The following EIF3H variants were observed in gnomAD, a reference collection of about 807,000 sequenced individuals.
The protein encoded by EIF3H is eukaryotic translation initiation factor 3 subunit H, also known as eIF-3-gamma.
EIF3H carries 26 observed loss-of-function variants against 44.2 expected under a neutral mutation model. That is an observed-to-expected ratio of 0.59 (90% CI 0.43 to 0.82). The LOEUF (loss-of-function observed/expected upper bound fraction) is 0.82, where lower values mean the gene tolerates loss of function less well. Ranked by LOEUF, EIF3H falls within the 40% of genes least tolerant of loss-of-function variation. The probability of loss-of-function intolerance (pLI) is 0.00; values close to 1 mark genes in which losing one functional copy is unlikely to be tolerated. For missense variants in EIF3H, 359 were observed against 432.8 expected, an observed-to-expected ratio of 0.83 and a Z score of 1.51; for synonymous variants, 166 against 151.9, an observed-to-expected ratio of 1.09 and a Z score of -0.68.
At chr8:116,670,347 A>G (rs1343725987) in intron 2 of EIF3H, among the ~76,000 whole-genome samples, 1 of 152,192 alleles carries the variant, frequency 6.6e-6, no homozygotes, top group Non-Finnish European at 1.5e-5. Flanking sequence ...GGGCAGCTAC[A>G]AAGTAGCACA....
intron 3 of EIF3H, 121 bp from the exon 4 acceptor site, chr8:116,657,435 A>C (rs1813509464): frequency 1.4e-6 from 1 of 715,042 alleles, no homozygotes; most frequent in Non-Finnish European, 2.4e-6. Context: ...AGATCAAAAT[A>C]AACAACCAGA....
intron 5 of EIF3H, among the ~76,000 whole-genome samples, chr8:116,650,376 T>G (rs1205309738): frequency 6.6e-6 from 1 of 152,158 alleles, no homozygotes; most frequent in East Asian, 1.9e-4. Context: ...TCCACTCTTA[T>G]GAATATACCC....
intron 2 of EIF3H, among the ~76,000 whole-genome samples, chr8:116,692,482 T>C (rs2130863938): frequency 6.6e-6 from 1 of 152,340 alleles, no homozygotes; most frequent in South Asian, 2.1e-4. Context: ...CCTAGCTTAT[T>C]AACTCTGAAT....
chr8:116,728,307 T>C (rs1372557356), intron 1 of EIF3H, among the ~76,000 whole-genome samples: 1 of 152,008 alleles, frequency 6.6e-6, no homozygotes, highest in Non-Finnish European at 1.5e-5. Flanking sequence ...ATTTTATAGA[T>C]AAGAAAACTG....
chr8:116,688,471 A>C (rs1814116917), intron 2 of EIF3H, among the ~76,000 whole-genome samples: 2 of 152,324 alleles, frequency 1.3e-5, no homozygotes, highest in African/African-American at 4.8e-5. Flanking sequence ...ATGAACCCAC[A>C]AACAATGCTG....
chr8:116,678,718 G>A (rs1435613479), intron 2 of EIF3H, among the ~76,000 whole-genome samples: 3 of 147,482 alleles, frequency 2.0e-5, no homozygotes, highest in African/African-American at 4.9e-5. Context: ...GTCTCTGCTC[G>A]GCCGCCCCGT....
intron 2 of EIF3H, among the ~76,000 whole-genome samples, chr8:116,672,895 T>C (rs1210479522): frequency 6.6e-6 from 1 of 151,918 alleles, no homozygotes; most frequent in Non-Finnish European, 1.5e-5. Flanking sequence ...TCTCAAACAT[T>C]TACCATTTGC....
intron 2 of EIF3H, chr8:116,697,044 C>T (rs768297312): frequency 3.1e-5 from 14 of 455,858 alleles, no homozygotes; most frequent in South Asian, 2.0e-4. Flanking sequence ...GTGGACAGCC[C>T]TGGCTCACCT....
At chr8:116,756,681 G>A (rs1055539540), upstream of EIF3H, among the ~76,000 whole-genome samples, 1 of 152,022 alleles carries the variant, frequency 6.6e-6, no homozygotes, top group Admixed American at 6.5e-5. Context: ...TTGTTGTTTT[G>A]TCATTGGGAT....
In EIF3H at chr8:116,706,519, C is replaced by CTTTA. The variant is rs887973283; in HGVS notation, c.289+19493_289+19496dup. On this transcript the variant is annotated intron_variant, in intron 2 of 7. Transcript: ENST00000521861. ...AATAAATTATGTGAGATATTTAACACTTTATTTATTTATTTATTTATTTTA... is the reference window on the plus strand; with the variant it reads ...AATAAATTATGTGAGATATTTAACACTTTATTTATTTATTTATTTATTTATTTTA... Among the ~76,000 whole-genome samples the CTTTA allele has an allele frequency of 5.4e-4, 82 of 152,092 alleles. 1 individual carries two copies. Among genetic ancestry groups the CTTTA allele is most frequent in the East Asian group, 4.8e-3 (25 of 5,178 alleles).
chr8:116,698,547 G>C (rs978048491), intron 2 of EIF3H, among the ~76,000 whole-genome samples: 1 of 152,146 alleles, frequency 6.6e-6, no homozygotes, highest in Admixed American at 6.5e-5. Context: ...TAGTATAAAA[G>C]CCAAACTCCT....
chr8:116,657,891 G>A (rs1450411693), intron 3 of EIF3H: 3 of 152,876 alleles, frequency 2.0e-5, no homozygotes, highest in Non-Finnish European at 2.9e-5. Flanking sequence ...AACACTCCAT[G>A]AGTAAGGGAG....
At chr8:116,747,349 A>G (rs1445292998) in intron 1 of EIF3H, among the ~76,000 whole-genome samples, 1 of 152,200 alleles carries the variant, frequency 6.6e-6, no homozygotes, top group Non-Finnish European at 1.5e-5. Context: ...TACAGGCGGG[A>G]GCACGGCCCA....
chr8:116,685,053 T>A (rs1814050600), intron 2 of EIF3H, among the ~76,000 whole-genome samples: 1 of 152,226 alleles, frequency 6.6e-6, no homozygotes, highest in Non-Finnish European at 1.5e-5. Flanking sequence ...AAAATATTTA[T>A]AAAATGTAGC....
chr8:116,689,190 T>C (rs748916834), intron 2 of EIF3H: 1 of 408,102 alleles, frequency 2.5e-6, no homozygotes, highest in South Asian at 1.7e-5. Context: ...AGGACAAATA[T>C]TGTATAATTC....
chr8:116,749,289 T>C lies in EIF3H; in HGVS notation c.132+6377A>G, dbSNP rs182226552. On this transcript the variant is annotated intron_variant, in intron 1 of 7. Coordinates refer to ENST00000521861, the MANE Select transcript of EIF3H (RefSeq NM_003756.3). Reference sequence around the variant, plus strand: ...ATGGATCACATACCAAGGTGAATGATACAAGCTGTCATTAAAAAGCTCAGA... The same window carrying C: ...ATGGATCACATACCAAGGTGAATGACACAAGCTGTCATTAAAAAGCTCAGA... 6.2e-4 allele frequency among the ~76,000 whole-genome samples: 95 copies of C among 152,322 alleles called. 1 individual carries two copies. The East Asian group carries it at 0.017, about 28-fold the overall frequency.
At chr8:116,682,463 T>TC (rs1436424619) in intron 2 of EIF3H, among the ~76,000 whole-genome samples, 1 of 152,118 alleles carries the variant, frequency 6.6e-6, no homozygotes, top group Non-Finnish European at 1.5e-5. Context: ...AGGCACTCCC[T>TC]CCAAAAACCT....
At chr8:116,660,395 T>G (rs1162364386) in intron 2 of EIF3H, among the ~76,000 whole-genome samples, 1 of 152,352 alleles carries the variant, frequency 6.6e-6, no homozygotes, top group Admixed American at 6.5e-5. Context: ...GTTCCTCAGA[T>G]GGACACAGTC....
intron 2 of EIF3H, among the ~76,000 whole-genome samples, chr8:116,714,855 A>G (rs1232092320): frequency 6.6e-6 from 1 of 152,088 alleles, no homozygotes; most frequent in Non-Finnish European, 1.5e-5. Flanking sequence ...AAAAATATTA[A>G]AAGCTTTCTC....
Sources: gnomAD v4.1 joint callset for allele counts (sites outside exome capture counted in the v4.1 genomes callset) on GRCh38, gnomAD v4.1.1 for gene constraint, MANE v1.5 for transcripts, NCBI Gene and HGNC (gene_info 2026-07-23, HGNC 2026-07-21) for gene names.